Variants in GSTA1 observed in about 807,000 individuals in gnomAD.
GSTA1 encodes glutathione S-transferase A1.
A neutral mutation model predicts 21.5 loss-of-function variants in GSTA1; 23 were observed. The ratio of observed to expected loss-of-function variants is 1.07; its 90% confidence interval spans 0.77 to 1.52. The LOEUF (loss-of-function observed/expected upper bound fraction) is 1.52. GSTA1 is among the 40% of genes most tolerant of loss of function. The probability of loss-of-function intolerance (pLI) is 0.00; values close to 1 mark genes in which losing one functional copy is unlikely to be tolerated. For synonymous variants in GSTA1, 125 were observed against 90.0 expected (o/e 1.39, Z -2.20); for missense variants, 301 against 264.2 (o/e 1.14, Z -0.96).
intron 5 of GSTA1, 71 bp from the exon 6 acceptor site, chr6:52,793,058 C>T (rs1344992668): frequency 6.8e-6 from 11 of 1,607,484 alleles, no homozygotes; most frequent in African/African-American, 1.3e-5. Flanking sequence ...CTTTCGGAGC[C>T]TCTCCACCCT....
chr6:52,798,013 C>T (rs1045116465), intron 2 of GSTA1, among the ~76,000 whole-genome samples: 6 of 152,064 alleles, frequency 3.9e-5, no homozygotes, highest in Non-Finnish European at 7.4e-5. Flanking sequence ...CTTGTGTGTC[C>T]CCAGCATGAG....
intron 2 of GSTA1, 51 bp downstream of exon 2, chr6:52,799,130 G>T: frequency 6.5e-7 from 1 of 1,529,742 alleles, no homozygotes; most frequent in Non-Finnish European, 9.1e-7. Flanking sequence ...GGAAAAGTAT[G>T]TGATAACACA....
At chr6:52,796,489 A>ATATGTGTGTGTG (rs1763589125) in intron 3 of GSTA1, among the ~76,000 whole-genome samples, 175 bp from the exon 4 acceptor site, 3 of 13,080 alleles carry the variant, frequency 2.3e-4, no homozygotes, top group African/African-American at 1.3e-3. Context: ...ATATATATAT[A>ATATGTGTGTGTG]TGTGTGTGTG....
intron 3 of GSTA1, among the ~76,000 whole-genome samples, chr6:52,796,756 T>C (rs934824534): frequency 2.5e-4 from 38 of 151,222 alleles, no homozygotes; most frequent in Non-Finnish European, 1.5e-5. Flanking sequence ...TTGGCCAAAC[T>C]GGTCTCAAAT....
intron 1 of GSTA1, among the ~76,000 whole-genome samples, chr6:52,801,206 AT>A (rs1184930037): frequency 6.6e-6 from 1 of 152,192 alleles, no homozygotes; most frequent in South Asian, 2.1e-4. Flanking sequence ...CTAAAAAGGT[AT>A]GTATGACTAA....
intron 6 of GSTA1, chr6:52,792,645 C>T: frequency 7.8e-7 from 1 of 1,281,538 alleles, no homozygotes; most frequent in Non-Finnish European, 1.0e-6. Flanking sequence ...GCAAAATACT[C>T]TTTGTGGGGT....
intron 1 of GSTA1, among the ~76,000 whole-genome samples, chr6:52,803,007 G>A (rs754281697): frequency 6.6e-6 from 1 of 152,094 alleles, no homozygotes; most frequent in Non-Finnish European, 1.5e-5. Flanking sequence ...GTAGTCCCAT[G>A]GTTCTCAACC....
chr6:52,797,664 C>T, intron 2 of GSTA1, 27 bp from the exon 3 acceptor site: 1 of 1,572,716 alleles, frequency 6.4e-7, no homozygotes, highest in Non-Finnish European at 8.7e-7. Context: ...TAAATACGTT[C>T]TTGTTAGTTC....
chr6:52,793,620 C>A (rs1431196782), intron 5 of GSTA1, among the ~76,000 whole-genome samples: 1 of 152,150 alleles, frequency 6.6e-6, no homozygotes, highest in Non-Finnish European at 1.5e-5. Context: ...GCAACTTACT[C>A]TAAAATCCAT....
rs1763450905 is a variant in GSTA1, at chr6:52,791,449, C to T, written c.*409G>A. ...GGAAAAGAAGAAAATGTCTTTATGC[C>T]ATTATCCAGGATGGTAACTCTTCTC... On this transcript the variant is annotated 3_prime_UTR_variant, in exon 7 of 7. Coordinates refer to ENST00000334575, the MANE Select transcript of GSTA1 (RefSeq NM_145740.5). Among the ~76,000 whole-genome samples the T allele has an allele frequency of 6.6e-6, 1 of 152,172 alleles. No homozygotes were observed. Among genetic ancestry groups the T allele is most frequent in the South Asian group, 2.1e-4 (1 of 4,830 alleles).
At chr6:52,795,592 A>C (rs1207793561) in intron 4 of GSTA1, among the ~76,000 whole-genome samples, 3 of 152,136 alleles carry the variant, frequency 2.0e-5, no homozygotes, top group Admixed American at 2.0e-4. Context: ...CACAACAGCA[A>C]GGAGACCCCT....
At position 52,799,166 on chromosome 6, in the gene GSTA1, T is replaced by A; in HGVS notation, c.87+15A>T. ...ATTTTAAATCCAACTTAAGATGACC[T>A]AACTCAGAACCTACCTCTACTCCAG... On this transcript the variant is annotated intron_variant, in intron 2 of 6. Coordinates refer to ENST00000334575, the MANE Select transcript of GSTA1 (RefSeq NM_145740.5). 1 of 1,611,264 alleles carries A rather than the reference T, an allele frequency of 6.2e-7. No homozygotes were observed. Among genetic ancestry groups the A allele is most frequent in the Non-Finnish European group, 8.5e-7 (1 of 1,177,634 alleles).
Position 52,799,217 on chromosome 6 carries a change from C to T in GSTA1, c.51G>A (p.Glu17=), listed in dbSNP as rs1445534919. ...CTGCAGCCAGGAGCCACCGGGTGGA[C>T]TCCATTCTGCCCCGTGCATTGAAGT... ...LHYFNARGRM[E]STRWLLAAAG... is the part of the protein sequence containing the mutation. Residue 17 remains glutamate (E), a synonymous_variant, in exon 2 of 7, where the codon GAG becomes GAA. Transcript: ENST00000334575. The T allele has an allele frequency of 6.2e-7, 1 of 1,613,998 alleles. No homozygotes were observed. The highest frequency in any genetic ancestry group is 8.5e-7 in the Non-Finnish European group (1 of 1,179,916).
intron 6 of GSTA1, 131 bp downstream of exon 6, chr6:52,792,725 C>G (rs1327955885): frequency 6.3e-7 from 1 of 1,599,744 alleles, no homozygotes; most frequent in South Asian, 1.1e-5. Flanking sequence ...CCTGGAAGCT[C>G]ATTTTGGAGA....
intron 1 of GSTA1, among the ~76,000 whole-genome samples, chr6:52,801,806 A>G (rs751053729): frequency 3.3e-5 from 5 of 152,120 alleles, no homozygotes; most frequent in African/African-American, 7.2e-5. Context: ...AACCCTGGGA[A>G]ATGGCTCCTA....
In GSTA1 at chr6:52,795,930, C is replaced by A. The variant is rs117747289; in HGVS notation, c.272+252G>T. Among the ~76,000 whole-genome samples, 20 of 152,194 alleles carry A rather than the reference C, an allele frequency of 1.3e-4. 1 individual carries two copies. The East Asian group carries it at 3.9e-3, about 29-fold the overall frequency. On this transcript the variant is annotated intron_variant, in intron 4 of 6. Coordinates refer to ENST00000334575, the MANE Select transcript of GSTA1 (RefSeq NM_145740.5). ...CATCCTCCTCAGTTCATGGTTCATC[C>A]GTGTTTGGAAATTACCGTGAGGTGC...
chr6:52,794,211 GC>G lies in GSTA1; in HGVS notation c.327del (p.Val111TyrfsTer13), dbSNP rs759189303. On this transcript the variant is annotated frameshift_variant, in exon 5 of 7. Coordinates refer to ENST00000334575, the MANE Select transcript of GSTA1 (RefSeq NM_145740.5). LOFTEE classifies it high-confidence loss of function. Reference protein sequence around the residue: ...IADLGEMILLLPVCPPEEKDA... With the variant: ...IADLGEMILLXPVCPPEEKDA... ...TCTTTTTCCTCAGGTGGACATACGG[GC>G]AGAAGGAGGATCATTTCACCCAAAT... The G allele has an allele frequency of 6.2e-7, 1 of 1,613,814 alleles. No homozygotes were observed. The highest frequency in any genetic ancestry group is 8.5e-7 in the Non-Finnish European group (1 of 1,179,724).
At chr6:52,796,649 C>T (rs1316923772) in intron 3 of GSTA1, among the ~76,000 whole-genome samples, 2 of 146,328 alleles carry the variant, frequency 1.4e-5, no homozygotes, top group African/African-American at 2.5e-5. Context: ...GTTCAAGTGA[C>T]TCTCCTACCT....
At chr6:52,794,007 C>G in intron 5 of GSTA1, 118 bp downstream of exon 5, 1 of 1,220,882 alleles carries the variant, frequency 8.2e-7, no homozygotes, top group South Asian at 1.3e-5. Context: ...CAGAGTGCTG[C>G]ATTGGTGTTC....
Sources: gnomAD v4.1 joint callset for allele counts (sites outside exome capture counted in the v4.1 genomes callset) on GRCh38, gnomAD v4.1.1 for gene constraint, MANE v1.5 for transcripts, NCBI Gene and HGNC (gene_info 2026-07-23, HGNC 2026-07-21) for gene names.